Variants in PTGER3 observed in about 807,000 individuals in gnomAD.
The protein encoded by PTGER3 is prostaglandin E2 receptor EP3 subtype.
Under a neutral mutation model 34.7 loss-of-function variants are expected in PTGER3, and 22 were observed. That is an observed-to-expected ratio of 0.63 (90% CI 0.45 to 0.91). The LOEUF is 0.91. PTGER3 is among the 40% of genes least tolerant of loss of function. The pLI is 0.00. For missense variants in PTGER3, 468 were observed against 519.4 expected, an observed-to-expected ratio of 0.90 and a Z score of 0.96; for synonymous variants, 241 against 230.1, an observed-to-expected ratio of 1.05 and a Z score of -0.43.
intron 3 of PTGER3, among the ~76,000 whole-genome samples, chr1:70,972,324 A>G (rs940843225): frequency 5.3e-5 from 8 of 152,190 alleles, no homozygotes; most frequent in African/African-American, 1.9e-4. Flanking sequence ...TCCATCTCAA[A>G]AAAACATAAT....
intron 4 of PTGER3, among the ~76,000 whole-genome samples, chr1:70,878,490 G>T (rs975215739): frequency 6.6e-6 from 1 of 151,728 alleles, no homozygotes; most frequent in Non-Finnish European, 1.5e-5. Context: ...TCTAATTTTG[G>T]TTATTTCTTG....
chr1:71,007,599 A>G (rs1168913159), intron 2 of PTGER3: 3 of 985,266 alleles, frequency 3.0e-6, no homozygotes, highest in African/African-American at 1.7e-5. Flanking sequence ...ATCTTTTTCT[A>G]TGTTCTCTGC....
At chr1:70,981,942 C>T (rs1356650563) in intron 2 of PTGER3, among the ~76,000 whole-genome samples, 1 of 152,062 alleles carries the variant, frequency 6.6e-6, no homozygotes, top group Non-Finnish European at 1.5e-5. Flanking sequence ...TCAGAATGGG[C>T]TCCCATTCTT....
At chr1:70,951,567 A>AGAAG (rs1363122169), downstream of PTGER3, 2 of 152,210 alleles carry the variant, frequency 1.3e-5, no homozygotes, top group Admixed American at 6.5e-5. Context: ...ACGGAGTAGA[A>AGAAG]GAAGGAGATT....
intron 2 of PTGER3, among the ~76,000 whole-genome samples, chr1:70,959,381 C>T: frequency 6.8e-6 from 1 of 146,730 alleles, no homozygotes. Context: ...GATGGAGTCT[C>T]ACTCTGTTGC....
downstream of PTGER3, among the ~76,000 whole-genome samples, chr1:70,948,973 A>C (rs1470781240): frequency 1.3e-5 from 2 of 152,096 alleles, no homozygotes; most frequent in African/African-American, 4.8e-5. Flanking sequence ...CTAGTATTAA[A>C]ATTTTTTCTT....
At chr1:71,046,299 A>AC (rs1220332251) in intron 1 of PTGER3, among the ~76,000 whole-genome samples, 19 of 151,174 alleles carry the variant, frequency 1.3e-4, no homozygotes, top group Non-Finnish European at 2.1e-4. Flanking sequence ...AAAAAAAAAA[A>AC]AAAAAAACCC....
At chr1:71,037,450 C>T (rs1193936578) in intron 1 of PTGER3, among the ~76,000 whole-genome samples, 4 of 152,188 alleles carry the variant, frequency 2.6e-5, no homozygotes, top group African/African-American at 4.8e-5. Context: ...GTGCTGACCA[C>T]CACTGTATTA....
At chr1:70,872,828 G>T (rs115827928) in intron 4 of PTGER3, among the ~76,000 whole-genome samples, 512 of 152,322 alleles carry the variant, frequency 3.4e-3, no homozygotes, top group African/African-American at 0.012. Flanking sequence ...TATAGGGAGT[G>T]CCACATCATC....
chr1:70,917,611 A>AT (rs965450404), intron 4 of PTGER3, among the ~76,000 whole-genome samples: 3 of 151,498 alleles, frequency 2.0e-5, no homozygotes, highest in Non-Finnish European at 3.0e-5. Context: ...ATCTATTTTT[A>AT]TTTTTTTTGA....
chr1:71,009,541 C>T (rs994742234), intron 2 of PTGER3: 1 of 984,730 alleles, frequency 1.0e-6, no homozygotes, highest in African/African-American at 1.7e-5. Context: ...CATTAAGTAA[C>T]ATGTGATCAT....
At chr1:70,946,671 A>G (rs1219220020) in intron 4 of PTGER3, among the ~76,000 whole-genome samples, 2 of 152,068 alleles carry the variant, frequency 1.3e-5, no homozygotes, top group Non-Finnish European at 2.9e-5. Flanking sequence ...GACCCACCAC[A>G]CCAAAATGAT....
At chr1:70,886,339 C>T (rs992246250) in intron 4 of PTGER3, 2 of 447,136 alleles carry the variant, frequency 4.5e-6, no homozygotes, top group Non-Finnish European at 9.0e-6. Context: ...CTGTGAGAAA[C>T]AAATTTCTGT....
At chr1:71,012,120 A>T (rs1325205734) in intron 2 of PTGER3, 185 bp downstream of exon 2, 6 of 1,513,904 alleles carry the variant, frequency 4.0e-6, no homozygotes, top group Middle Eastern at 4.5e-4. Flanking sequence ...ACTTCAATGC[A>T]TAAACAGTGG....
At chr1:70,935,402 G>A (rs1380574896) in intron 4 of PTGER3, among the ~76,000 whole-genome samples, 1 of 151,720 alleles carries the variant, frequency 6.6e-6, no homozygotes, top group Non-Finnish European at 1.5e-5. Flanking sequence ...TACATAAATA[G>A]CAATAAATAT....
intron 4 of PTGER3, among the ~76,000 whole-genome samples, chr1:70,854,067 G>T (rs1645745377): frequency 6.6e-6 from 1 of 152,114 alleles, no homozygotes; most frequent in South Asian, 2.1e-4. Context: ...ATTTGGCAAT[G>T]TTTTCTTGGA....
intron 4 of PTGER3, among the ~76,000 whole-genome samples, chr1:70,930,620 G>T (rs1475840199): frequency 6.6e-6 from 1 of 152,080 alleles, no homozygotes; most frequent in Non-Finnish European, 1.5e-5. Flanking sequence ...GGAGGCAAAA[G>T]GCACTTCTTA....
At chr1:71,000,664 A>T (rs559144451) in intron 2 of PTGER3, among the ~76,000 whole-genome samples, 11 of 152,204 alleles carry the variant, frequency 7.2e-5, no homozygotes, top group Non-Finnish European at 1.0e-4. Context: ...TTAGACTCCC[A>T]AAGTGGGTAA....
intron 4 of PTGER3, among the ~76,000 whole-genome samples, chr1:70,943,854 GA>G (rs1486399073): frequency 6.6e-6 from 1 of 150,856 alleles, no homozygotes; most frequent in African/African-American, 2.4e-5. Context: ...GAGGGAGAGA[GA>G]GAGAGAGAGA....
Sources: allele counts gnomAD v4.1 joint callset (sites outside exome capture counted in the v4.1 genomes callset), GRCh38; gene constraint gnomAD v4.1.1; transcripts MANE v1.5; gene names NCBI Gene and HGNC (gene_info 2026-07-23, HGNC 2026-07-21).